Variants in CS observed in about 807,000 individuals in gnomAD.
CS encodes citrate synthase, mitochondrial.
A neutral mutation model predicts 61.4 loss-of-function variants in CS; 13 were observed. The observed-to-expected ratio is 0.21, with a 90% CI of 0.14 to 0.34. The LOEUF (loss-of-function observed/expected upper bound fraction) is 0.34. Among genes scored for constraint, CS ranks in the 10% least tolerant of loss-of-function variants. CS has a pLI of 1.00. For synonymous variants in CS, 159 were observed against 215.2 expected, an observed-to-expected ratio of 0.74 and a Z score of 2.29; for missense variants, 278 against 573.4, an observed-to-expected ratio of 0.48 and a Z score of 5.26.
chr12:56,283,665 T>C (rs1337616200), intron 4 of CS, 127 bp downstream of exon 4: 3 of 665,478 alleles, frequency 4.5e-6, no homozygotes, highest in South Asian at 3.5e-5. Context: ...CATACATATG[T>C]CTTCTCTACC....
chr12:56,299,491 C>T (rs1205152863), intron 1 of CS, among the ~76,000 whole-genome samples: 2 of 152,114 alleles, frequency 1.3e-5, no homozygotes, highest in East Asian at 1.9e-4. Context: ...GTGGAAACAC[C>T]TTTCTGGTTC....
At chr12:56,292,647 GGC>G (rs1205220883) in intron 1 of CS, among the ~76,000 whole-genome samples, 2 of 150,662 alleles carry the variant, frequency 1.3e-5, no homozygotes, top group Non-Finnish European at 3.0e-5. Context: ...CACTTTGGGA[GGC>G]CAAGGCAGGC....
chr12:56,286,103 G>A, intron 2 of CS, 80 bp from the exon 3 acceptor site: 1 of 1,256,100 alleles, frequency 8.0e-7, no homozygotes, highest in Non-Finnish European at 1.2e-6. Flanking sequence ...TCAAGAATTT[G>A]CTTTTTAGAA....
At position 56,273,786 on chromosome 12, in the gene CS, C is replaced by A; in HGVS notation, c.1031G>T (p.Gly344Val). 1 of 1,613,014 alleles carries A rather than the reference C, an allele frequency of 6.2e-7. No homozygotes were observed. The highest frequency in any genetic ancestry group is 8.5e-7 in the Non-Finnish European group (1 of 1,179,060). Residue 344 changes from glycine to valine, a missense_variant, in exon 10 of 11, where the codon GGC (glycine) becomes GTC (valine). This residue lies in a region of CS where 223 missense variants were observed against 503.5 expected (regional missense o/e 0.44). Coordinates refer to ENST00000351328, the MANE Select transcript of CS (RefSeq NM_004077.3). ...CTTCCTTAGTACTGCATGGCCATAGCCTGGAACAACCTGTAAAGAGTGAGG... is the reference window on the plus strand; with the variant it reads ...CTTCCTTAGTACTGCATGGCCATAGACTGGAACAACCTGTAAAGAGTGAGG... Reference protein sequence around the residue: ...NTLNSGRVVPGYGHAVLRKTD... With the variant: ...NTLNSGRVVPVYGHAVLRKTD...
chr12:56,286,261 G>A (rs1360173094), intron 2 of CS: 1 of 560,528 alleles, frequency 1.8e-6, no homozygotes, highest in Non-Finnish European at 3.2e-6. Context: ...GAGATGGATG[G>A]TTGCACAATA....
chr12:56,300,123 A>T, intron 1 of CS, 37 bp downstream of exon 1: 2 of 1,548,472 alleles, frequency 1.3e-6, no homozygotes, highest in South Asian at 1.2e-5. Context: ...CCTCAGCCCC[A>T]CCCTGGGACG....
At chr12:56,273,991 A>T in intron 9 of CS, 195 bp from the exon 10 acceptor site, 2 of 505,000 alleles carry the variant, frequency 4.0e-6, no homozygotes, top group South Asian at 2.2e-5. Context: ...ACACCAACAC[A>T]TCTGGCTTTT....
rs1332931008 is a variant in CS, at chr12:56,283,807, A to C, written c.252T>G (p.Val84=). 2 of 1,611,554 alleles carry C rather than the reference A, an allele frequency of 1.2e-6. No individual in the cohort carries two copies. The highest frequency in any genetic ancestry group is 1.3e-5 in the African/African-American group (1 of 74,996). ...GMKGLVYETS[V]LDPDEGIRFR... ...GATGTCTTACCTCATCAGGATCAAG[A>C]ACTGATGTTTCATAGACCAATCCCT... Residue 84 remains valine, a synonymous_variant, in exon 4 of 11, where the codon GTT becomes GTG. Coordinates refer to ENST00000351328, the MANE Select transcript of CS (RefSeq NM_004077.3).
At chr12:56,290,691 A>T (rs1335440152) in intron 1 of CS, among the ~76,000 whole-genome samples, 3 of 123,418 alleles carry the variant, frequency 2.4e-5, no homozygotes, top group Non-Finnish European at 1.8e-5. Flanking sequence ...GATGTAGAGT[A>T]CAGAGCACTT....
chr12:56,272,662 A>T lies in CS; in HGVS notation c.*422T>A, dbSNP rs1338280554. Reference sequence around the variant, plus strand: ...TGACTATCCAACATGATTCCTATGGAAACAGAAGGGGCAGAGTCCTGGTTT... The same window carrying T: ...TGACTATCCAACATGATTCCTATGGTAACAGAAGGGGCAGAGTCCTGGTTT... On this transcript the variant is annotated 3_prime_UTR_variant, in exon 11 of 11. Coordinates refer to ENST00000351328, the MANE Select transcript of CS (RefSeq NM_004077.3). The T allele has an allele frequency of 6.3e-6, 1 of 157,846 alleles. No individual in the cohort carries two copies. Among genetic ancestry groups the T allele is most frequent in the Non-Finnish European group, 1.4e-5 (1 of 71,816 alleles). 9.8% of individuals were successfully genotyped at this position (157,846 alleles called of 1,614,324 possible). A position where few individuals can be genotyped will look rare whatever the true frequency, so the allele number is the denominator to read the frequency against.
intron 1 of CS, among the ~76,000 whole-genome samples, chr12:56,287,154 A>C (rs1361106820): frequency 1.3e-5 from 2 of 152,192 alleles, no homozygotes; most frequent in Non-Finnish European, 2.9e-5. Flanking sequence ...GCAGAAATGG[A>C]AACTTGCAAA....
intron 6 of CS, among the ~76,000 whole-genome samples, chr12:56,280,440 A>AAAAAAAAACAC (rs1555162652): frequency 2.5e-5 from 3 of 119,848 alleles, no homozygotes; most frequent in Non-Finnish European, 3.4e-5. Context: ...AAAAAAAACA[A>AAAAAAAAACAC]AAAAATTAGC....
intron 1 of CS, among the ~76,000 whole-genome samples, chr12:56,295,470 G>A (rs1205665523): frequency 6.6e-6 from 1 of 150,908 alleles, no homozygotes; most frequent in Non-Finnish European, 1.5e-5. Context: ...GCAGTGAGCC[G>A]AGATCACACC....
intron 6 of CS, among the ~76,000 whole-genome samples, chr12:56,280,430 A>AAAAAC (rs1872746331): frequency 3.5e-5 from 5 of 141,708 alleles, no homozygotes; most frequent in Non-Finnish European, 6.3e-5. Flanking sequence ...AAAAACAAAA[A>AAAAAC]AAAAAAACAA....
In CS at chr12:56,271,793, C is replaced by A; in HGVS notation, c.*1291G>T. The A allele has an allele frequency of 2.2e-6, 1 of 448,312 alleles. No homozygotes were observed. Among genetic ancestry groups the A allele is most frequent in the Non-Finnish European group, 4.5e-6 (1 of 223,004 alleles). The allele number at this position is 448,312 out of a possible 1,614,324, so 27.8% of individuals were successfully genotyped here. A position where few individuals can be genotyped will look rare whatever the true frequency, so the allele number is the denominator to read the frequency against. ...GTTACCCAGGGGTTTACAGTGTGTC[C>A]AACTCAACAGTGTGGTTCTGGGACT... On this transcript the variant is annotated 3_prime_UTR_variant, in exon 11 of 11. Coordinates refer to ENST00000351328, the MANE Select transcript of CS (RefSeq NM_004077.3).
intron 3 of CS, among the ~76,000 whole-genome samples, chr12:56,284,897 C>CAA (rs71081341): frequency 2.0e-5 from 2 of 99,896 alleles, no homozygotes; most frequent in Admixed American, 1.0e-4. Flanking sequence ...GACTCCGTCC[C>CAA]AAAAAAAAAA....
chr12:56,273,528 G>A, intron 10 of CS, 59 bp downstream of exon 10: 4 of 1,515,640 alleles, frequency 2.6e-6, no homozygotes, highest in Non-Finnish European at 3.7e-6. Context: ...CTTTGTGCAT[G>A]GCAGATAACA....
chr12:56,273,277 A>G, intron 10 of CS, 23 bp from the exon 11 acceptor site: 3 of 1,610,054 alleles, frequency 1.9e-6, no homozygotes, highest in Non-Finnish European at 2.5e-6. Flanking sequence ...AGAGAAAAAT[A>G]TTTCATTTAA....
rs762900576 is a variant in CS at position 56,275,139 on chromosome 12, G to A, written c.789-8C>T. 1.2e-6 allele frequency: 2 copies of A among 1,614,074 alleles called. No individual in the cohort carries two copies. Among genetic ancestry groups the A allele is most frequent in the East Asian group, 2.2e-5 (1 of 44,886 alleles). On this transcript the variant is annotated splice_region_variant and splice_polypyrimidine_tract_variant and intron_variant, in intron 7 of 10. Coordinates refer to ENST00000351328, the MANE Select transcript of CS (RefSeq NM_004077.3). ...TTGCCACCCTCATGGTCACTGTGGG[G>A]AAGTAAGAAGGGAGAGCCAAGGGAA...
Sources: gnomAD v4.1 joint callset for allele counts (sites outside exome capture counted in the v4.1 genomes callset) on GRCh38, gnomAD v4.1.1 for gene constraint, gnomAD v4.1.1 regional missense constraint, MANE v1.5 for transcripts, NCBI Gene and HGNC (gene_info 2026-07-23, HGNC 2026-07-21) for gene names.